Variants in LIPI observed in about 807,000 individuals in gnomAD.
The protein encoded by LIPI is lipase I.
In LIPI, 59 loss-of-function variants were observed where a neutral mutation model predicts 50.6. The observed-to-expected ratio is 1.16, with a 90% CI of 0.94 to 1.45. The LOEUF (loss-of-function observed/expected upper bound fraction) is 1.45, where lower values mean the gene tolerates loss of function less well. Among genes scored for constraint, LIPI ranks in the 40% most tolerant of loss-of-function variants. The probability of loss-of-function intolerance (pLI) is 0.00; values close to 1 mark genes in which losing one functional copy is unlikely to be tolerated. For missense variants in LIPI, 586 were observed against 536.3 expected (o/e 1.09, Z -0.92); for synonymous variants, 203 against 178.2 (o/e 1.14, Z -1.11).
At chr21:14,150,645 G>T (rs544694447) in intron 8 of LIPI, among the ~76,000 whole-genome samples, 1 of 152,290 alleles carries the variant, frequency 6.6e-6, no homozygotes, top group African/African-American at 2.4e-5. Flanking sequence ...AATAGATCAT[G>T]TGTGAATGTG....
intron 1 of LIPI, among the ~76,000 whole-genome samples, chr21:14,199,662 A>C (rs956658042): frequency 6.6e-6 from 1 of 151,654 alleles, no homozygotes; most frequent in Non-Finnish European, 1.5e-5. Context: ...GCTGAATTCT[A>C]CTAGATATAA....
intron 8 of LIPI, among the ~76,000 whole-genome samples, chr21:14,149,515 T>C (rs1188292977): frequency 6.6e-6 from 1 of 152,102 alleles, no homozygotes; most frequent in Non-Finnish European, 1.5e-5. Context: ...AAGTCTTAAC[T>C]CATTCCAATA....
chr21:14,181,692 C>G, intron 4 of LIPI, 66 bp downstream of exon 4: 1 of 924,420 alleles, frequency 1.1e-6, no homozygotes, highest in Non-Finnish European at 1.8e-6. Flanking sequence ...ATGCCCTCCT[C>G]TTGCCCAAGG....
intron 1 of LIPI, among the ~76,000 whole-genome samples, chr21:14,202,334 T>G (rs976684054): frequency 2.0e-5 from 3 of 152,146 alleles, no homozygotes; most frequent in African/African-American, 7.2e-5. Flanking sequence ...AAAAACTATT[T>G]TAAAGTTCAT....
chr21:14,196,168 C>A (rs9981050), intron 1 of LIPI, among the ~76,000 whole-genome samples: 57,373 of 120,368 alleles, frequency 0.48, 13,032 homozygotes, highest in Non-Finnish European at 0.55. Flanking sequence ...AAAAAAAAAA[C>A]AAAACAAGAA....
chr21:14,155,610 G>C (rs980706381), intron 7 of LIPI, among the ~76,000 whole-genome samples: 7 of 151,994 alleles, frequency 4.6e-5, no homozygotes, highest in Admixed American at 3.9e-4. Flanking sequence ...GAGAACACCA[G>C]TTTGAATCAT....
Position 14,166,432 on chromosome 21 carries a change from G to A in LIPI, c.663C>T (p.Pro221=), listed in dbSNP as rs763325155. 3 of 1,607,424 alleles carry A rather than the reference G, an allele frequency of 1.9e-6. No homozygotes were observed. The highest frequency in any genetic ancestry group is 1.7e-5 in the Admixed American group (1 of 60,022). ...TTGGATAAAAATCTATATGTCCCAA[G>A]GGCTCTTGAATGCCTAAACCTGAGA... ...SDSNGLGIQE[P]LGHIDFYPNG... is the part of the protein sequence containing the mutation. The change falls in exon 5 of 10, where the codon CCC becomes CCT. Residue 221 remains proline (P), a synonymous_variant. Coordinates refer to ENST00000681601, the MANE Select transcript of LIPI (RefSeq NM_001302998.2).
intron 9 of LIPI, among the ~76,000 whole-genome samples, chr21:14,141,452 T>A (rs955417075): frequency 6.6e-6 from 1 of 152,036 alleles, no homozygotes; most frequent in Non-Finnish European, 1.5e-5. Context: ...ATCTCACTCT[T>A]CACTCGTTCT....
chr21:14,185,613 C>T (rs974463659), intron 3 of LIPI, among the ~76,000 whole-genome samples: 14 of 152,308 alleles, frequency 9.2e-5, no homozygotes, highest in Admixed American at 6.5e-4. Context: ...CACAGTGGCT[C>T]ATGCCTGTAA....
At chr21:14,169,782 C>T (rs2018825658) in intron 4 of LIPI, among the ~76,000 whole-genome samples, 1 of 151,952 alleles carries the variant, frequency 6.6e-6, no homozygotes, top group Non-Finnish European at 1.5e-5. Context: ...AAATTGACAC[C>T]CTAACATCAC....
intron 6 of LIPI, among the ~76,000 whole-genome samples, chr21:14,164,701 T>C (rs572053130): frequency 1.3e-5 from 2 of 152,292 alleles, no homozygotes; most frequent in East Asian, 1.9e-4. Context: ...TAATTCCCTA[T>C]TGGCAGGTTT....
intron 9 of LIPI, among the ~76,000 whole-genome samples, chr21:14,118,815 T>C (rs1307453873): frequency 6.6e-6 from 1 of 152,184 alleles, no homozygotes; most frequent in African/African-American, 2.4e-5. Flanking sequence ...CAGTATCCCA[T>C]TCCCACAGAG....
chr21:14,142,016 G>T (rs1332634762), intron 9 of LIPI, among the ~76,000 whole-genome samples: 1 of 152,088 alleles, frequency 6.6e-6, no homozygotes, highest in African/African-American at 2.4e-5. Context: ...ACATTTAGAA[G>T]GTATTAATAA....
At chr21:14,151,443 G>C (rs1211867358) in intron 8 of LIPI, among the ~76,000 whole-genome samples, 1 of 152,066 alleles carries the variant, frequency 6.6e-6, no homozygotes, top group Non-Finnish European at 1.5e-5. Flanking sequence ...AGTAAATGTT[G>C]GAAATACCAA....
At chr21:14,177,255 A>T (rs1188499162) in intron 4 of LIPI, among the ~76,000 whole-genome samples, 1 of 152,026 alleles carries the variant, frequency 6.6e-6, no homozygotes, top group Non-Finnish European at 1.5e-5. Context: ...TCTAATATAG[A>T]TTTACCACCA....
chr21:14,191,376 C>CAAA (rs71183411), intron 1 of LIPI, among the ~76,000 whole-genome samples: 3 of 86,292 alleles, frequency 3.5e-5, no homozygotes, highest in African/African-American at 1.4e-4. Context: ...GACTCCGTCT[C>CAAA]AAAAAAAAAA....
At chr21:14,201,225 C>T (rs905647570) in intron 1 of LIPI, among the ~76,000 whole-genome samples, 44 of 152,010 alleles carry the variant, frequency 2.9e-4, no homozygotes, top group African/African-American at 9.7e-4. Context: ...ACAAAGACAC[C>T]AAACGCAATT....
At chr21:14,201,268 A>C (rs1331323750) in intron 1 of LIPI, among the ~76,000 whole-genome samples, 2 of 152,156 alleles carry the variant, frequency 1.3e-5, no homozygotes, top group Non-Finnish European at 2.9e-5. Context: ...AGTGGGATCT[A>C]ATTAAACTAA....
At chr21:14,180,201 C>T (rs2019226188) in intron 4 of LIPI, among the ~76,000 whole-genome samples, 1 of 152,112 alleles carries the variant, frequency 6.6e-6, no homozygotes, top group Admixed American at 6.6e-5. Context: ...GACCAGTTCT[C>T]TGCTCTTGAA....
Sources: allele counts gnomAD v4.1 joint callset (sites outside exome capture counted in the v4.1 genomes callset), GRCh38; gene constraint gnomAD v4.1.1; transcripts MANE v1.5; gene names NCBI Gene and HGNC (gene_info 2026-07-23, HGNC 2026-07-21).